Variants in STAT4 observed in about 807,000 individuals in gnomAD.
The protein encoded by STAT4 is signal transducer and activator of transcription 4.
STAT4 carries 42 observed loss-of-function variants against 110.5 expected under a neutral mutation model. That is an observed-to-expected ratio of 0.38 (90% CI 0.30 to 0.49). The LOEUF (loss-of-function observed/expected upper bound fraction) is 0.49, where lower values mean the gene tolerates loss of function less well. Ranked by LOEUF, STAT4 falls within the 20% of genes least tolerant of loss-of-function variation. The pLI is 0.95. For synonymous variants in STAT4, 284 were observed against 302.2 expected, an observed-to-expected ratio of 0.94 and a Z score of 0.63; for missense variants, 632 against 887.9, an observed-to-expected ratio of 0.71 and a Z score of 3.66.
At chr2:191,151,594 C>G (rs1405184424), upstream of STAT4, 1 of 985,472 alleles carries the variant, frequency 1.0e-6, no homozygotes, top group Non-Finnish European at 1.2e-6. The surrounding 1 kb of genome is among the most constrained non-coding windows in gnomAD (Gnocchi z 4.7). Context: ...TAGCCTTGCC[C>G]CTGGTTGCTA....
chr2:191,139,255 C>T (rs1574196100), intron 3 of STAT4, among the ~76,000 whole-genome samples: 1 of 151,372 alleles, frequency 6.6e-6, no homozygotes. Flanking sequence ...CCAGAGCAAT[C>T]GACAAGAGAA....
chr2:191,114,656 C>T (rs10194402), intron 3 of STAT4, among the ~76,000 whole-genome samples: 238 of 152,246 alleles, frequency 1.6e-3, no homozygotes, highest in African/African-American at 4.8e-3. Flanking sequence ...TCAAAAGTGA[C>T]GTCACTTTTG....
chr2:191,145,888 C>T (rs1699448328), intron 3 of STAT4, among the ~76,000 whole-genome samples: 2 of 152,240 alleles, frequency 1.3e-5, no homozygotes, highest in South Asian at 4.1e-4. Flanking sequence ...TATTAGCCTG[C>T]TTTTAATTCT....
At chr2:191,034,110 C>T in intron 18 of STAT4, 105 bp from the exon 19 acceptor site, 1 of 810,820 alleles carries the variant, frequency 1.2e-6, no homozygotes, top group South Asian at 1.8e-5. Context: ...TTAAACTGGA[C>T]AACACCTTAA....
At position 191,064,939 on chromosome 2, in the gene STAT4, G is replaced by A. The variant is rs778253892; in HGVS notation, c.650C>T (p.Thr217Ile). The A allele has an allele frequency of 2.4e-5, 38 of 1,604,046 alleles. No individual in the cohort carries two copies. The highest frequency in any genetic ancestry group is 3.0e-5 in the Non-Finnish European group (35 of 1,175,818). ...CAGGTCTGTCTCATGGATGATTTGGGTCATTTTACTGAGAGCCTCCTAAAA... is the reference window on the plus strand; with the variant it reads ...CAGGTCTGTCTCATGGATGATTTGGATCATTTTACTGAGAGCCTCCTAAAA... ...FKRKEALSKM[T>I]QIIHETDLLM... Residue 217 changes from threonine to isoleucine, a missense_variant, in exon 8 of 24, where the codon ACC becomes ATC. Physicochemically the swap from Thr to Ile is moderately conservative, Grantham distance 89. Around this residue, in one of 4 missense-constraint regions of STAT4, gnomAD observed 488 missense variants for 632.8 expected, o/e 0.77. Coordinates refer to ENST00000392320, the MANE Select transcript of STAT4 (RefSeq NM_003151.4).
At position 191,060,395 on chromosome 2, in the gene STAT4, G is replaced by A. The variant is rs1025079243; in HGVS notation, c.1034+1334C>T. ...GGAAGGAACAATTTTTGAGAAGAAT[G>A]CTTATTTTTTATTTTACTTTATTAT... On this transcript the variant is annotated intron_variant, in intron 10 of 23. Transcript: ENST00000392320. This position sits in a 1 kb window ranked among gnomAD's most constrained non-coding sequence, Gnocchi z 4.5. Among the ~76,000 whole-genome samples the A allele has an allele frequency of 2.6e-5, 4 of 152,102 alleles. No homozygotes were observed. The highest frequency in any genetic ancestry group is 9.7e-5 in the African/African-American group (4 of 41,420).
intron 8 of STAT4, among the ~76,000 whole-genome samples, chr2:191,064,563 G>A (rs983401891): frequency 2.0e-5 from 3 of 152,150 alleles, no homozygotes; most frequent in African/African-American, 7.2e-5. Flanking sequence ...AGTCTTTTAC[G>A]ATTGATATCT....
At chr2:191,124,027 A>G (rs1698809227) in intron 3 of STAT4, among the ~76,000 whole-genome samples, 2 of 152,324 alleles carry the variant, frequency 1.3e-5, no homozygotes, top group African/African-American at 4.8e-5. Flanking sequence ...GAAAATCTTA[A>G]AATCTAAATT....
At chr2:191,087,495 G>A (rs1006710210) in intron 3 of STAT4, among the ~76,000 whole-genome samples, 1 of 151,982 alleles carries the variant, frequency 6.6e-6, no homozygotes, top group Non-Finnish European at 1.5e-5. Flanking sequence ...ATGCAACCAC[G>A]CTCCCTCCCC....
At chr2:191,070,192 C>T (rs554418876) in intron 5 of STAT4, among the ~76,000 whole-genome samples, 27 of 152,240 alleles carry the variant, frequency 1.8e-4, no homozygotes, top group African/African-American at 6.5e-4. Context: ...TAGCTTATGA[C>T]AATTCAGCTT....
At chr2:191,121,038 T>A (rs556162707) in intron 3 of STAT4, among the ~76,000 whole-genome samples, 79 of 152,290 alleles carry the variant, frequency 5.2e-4, no homozygotes, top group African/African-American at 1.8e-3. Flanking sequence ...AAAGGGCTAA[T>A]ATCCAGAATC....
rs2125306072 is a variant in STAT4, at chr2:191,090,213, C to A, written c.274-13888G>T. On this transcript the variant is annotated intron_variant, in intron 3 of 23. Transcript: ENST00000392320. The surrounding 1 kb of genome is among the most constrained non-coding windows in gnomAD (Gnocchi z 4.2). ...CTTTTTGCTCAATTTTTCTGTAAAC[C>A]AAAGATTGCTCTAAAAAACAAATCC... 6.6e-6 allele frequency among the ~76,000 whole-genome samples: 1 copy of A among 151,988 alleles called. No individual in the cohort carries two copies. The highest frequency in any genetic ancestry group is 2.4e-5 in the African/African-American group (1 of 41,480).
chr2:191,123,990 T>A (rs1698808279), intron 3 of STAT4, among the ~76,000 whole-genome samples: 1 of 152,196 alleles, frequency 6.6e-6, no homozygotes, highest in African/African-American at 2.4e-5. Context: ...ATTCCTTCCA[T>A]CCTTAGAAAC....
chr2:191,040,956 T>C (rs1334764914), intron 15 of STAT4, 109 bp downstream of exon 15: 1 of 636,490 alleles, frequency 1.6e-6, no homozygotes. Context: ...AACAAAATAA[T>C]GAATATGGAA....
intron 3 of STAT4, among the ~76,000 whole-genome samples, chr2:191,141,334 C>G (rs1223065726): frequency 2.7e-5 from 4 of 150,900 alleles, no homozygotes; most frequent in African/African-American, 9.7e-5. Context: ...ATTGAAACCA[C>G]AATAAGATAT....
chr2:191,032,212 C>T lies in STAT4; in HGVS notation c.2045-696G>A, dbSNP rs1217791261. 6.6e-6 allele frequency: 1 copy of T among 152,230 alleles called. No individual in the cohort carries two copies. The highest frequency in any genetic ancestry group is 2.4e-5 in the African/African-American group (1 of 41,448). 9.4% of individuals were successfully genotyped at this position (152,230 alleles called of 1,614,324 possible). On this transcript the variant is annotated intron_variant, in intron 21 of 23. Coordinates refer to ENST00000392320, the MANE Select transcript of STAT4 (RefSeq NM_003151.4). The surrounding 1 kb of genome is among the most constrained non-coding windows in gnomAD (Gnocchi z 4.9). ...GTGGCTGCAAGTCTGTGAGTGACAA[C>T]TGTAGGATATTCTACATGATGGTGC... is the stretch of plus-strand genomic sequence containing the variant.
chr2:191,151,139 A>C (rs1699582105), upstream of STAT4: 1 of 985,224 alleles, frequency 1.0e-6, no homozygotes, highest in African/African-American at 1.7e-5. This position sits in a 1 kb window ranked among gnomAD's most constrained non-coding sequence, Gnocchi z 4.7. Context: ...CACCCACTCT[A>C]TTCTAGAAAT....
In STAT4 at chr2:191,110,083, G is replaced by A. The variant is rs1260897446; in HGVS notation, c.274-33758C>T. 6.6e-6 allele frequency among the ~76,000 whole-genome samples: 1 copy of A among 152,020 alleles called. No individual in the cohort carries two copies. The highest frequency in any genetic ancestry group is 6.6e-5 in the Admixed American group (1 of 15,260). On this transcript the variant is annotated intron_variant, in intron 3 of 23. Coordinates refer to ENST00000392320, the MANE Select transcript of STAT4 (RefSeq NM_003151.4). This position sits in a 1 kb window ranked among gnomAD's most constrained non-coding sequence, Gnocchi z 4.5. ...GATCCAACCACTGCACCTTCCACAG[G>A]GCCCTGCATCAGATGCTGGCCGCAC...
rs762386700 is a variant in STAT4, at chr2:191,041,031, A to G, written c.1335+34T>C. On this transcript the variant is annotated intron_variant, in intron 15 of 23. Coordinates refer to ENST00000392320, the MANE Select transcript of STAT4 (RefSeq NM_003151.4). ...ATGCTGACCAATTCTTGCAAATGCC[A>G]TTAGTAAATAGTGTATGTTCTTGAA... is the stretch of plus-strand genomic sequence containing the variant. The G allele has an allele frequency of 5.2e-6, 7 of 1,335,520 alleles. No homozygotes were observed. The South Asian group carries it at 6.7e-5, about 13-fold the overall frequency. The allele number at this position is 1,335,520 out of a possible 1,614,324, so 82.7% of individuals were successfully genotyped here.
Sources: gnomAD v4.1 joint callset for allele counts (sites outside exome capture counted in the v4.1 genomes callset) on GRCh38, gnomAD v4.1.1 for gene constraint, gnomAD v4.1.1 regional missense constraint, Gnocchi (gnomAD v3.1) non-coding constraint, MANE v1.5 for transcripts, NCBI Gene and HGNC (gene_info 2026-07-23, HGNC 2026-07-21) for gene names.